Variants in FCGR3B observed in about 807,000 individuals in gnomAD.
FCGR3B encodes the protein Fc gamma receptor IIIb, also known as low affinity immunoglobulin gamma Fc region receptor III-B.
A neutral mutation model predicts 26.7 loss-of-function variants in FCGR3B; 20 were observed. That is an observed-to-expected ratio of 0.75 (90% confidence interval 0.53 to 1.09). The LOEUF (loss-of-function observed/expected upper bound fraction) is 1.09, where lower values mean the gene tolerates loss of function less well. Ranked by LOEUF, FCGR3B falls within the 50% of genes least tolerant of loss-of-function variation. FCGR3B has a pLI of 0.00. For missense variants in FCGR3B, 191 were observed against 279.7 expected (o/e 0.68, Z 2.26); for synonymous variants, 79 against 107.0 (o/e 0.74, Z 1.62).
Position 161,624,626 on chromosome 1 carries a change from T to C in FCGR3B, c.591A>G (p.Ser197=). ...CAGGTGGAGAGAATGATGAGATGGTTGACACTGCCAAACCTATTAGGAGAA... is the reference window on the plus strand; with the variant it reads ...CAGGTGGAGAGAATGATGAGATGGTCGACACTGCCAAACCTATTAGGAGAA... ...NITITQGLAV[S]TISSFSPPGY... Residue 197 remains serine (S), a synonymous_variant, in exon 5 of 5, where the codon TCA becomes TCG. Coordinates refer to ENST00000650385, the MANE Select transcript of FCGR3B (RefSeq NM_001244753.2). 1 of 1,605,374 alleles carries C rather than the reference T, an allele frequency of 6.2e-7. No homozygotes were observed. Among genetic ancestry groups the C allele is most frequent in the East Asian group, 2.2e-5 (1 of 44,718 alleles).
At chr1:161,624,990 T>C (rs2102585955) in intron 4 of FCGR3B, among the ~76,000 whole-genome samples, 1 of 138,064 alleles carries the variant, frequency 7.2e-6, no homozygotes, top group South Asian at 2.3e-4. Context: ...TGATTTTGCA[T>C]TTCAATTTTT....
At position 161,626,034 on chromosome 1, in the gene FCGR3B, T is replaced by A. The variant is rs553818370; in HGVS notation, c.577+111A>T. 1.1e-5 allele frequency: 15 copies of A among 1,305,352 alleles called. No individual in the cohort carries two copies. The Admixed American group carries it at 1.9e-4, about 16-fold the overall frequency. The allele number at this position is 1,305,352 out of a possible 1,614,324, so 80.9% of individuals were successfully genotyped here. A position where few individuals can be genotyped will look rare whatever the true frequency, so the allele number is the denominator to read the frequency against. On this transcript the variant is annotated intron_variant, in intron 4 of 4. Transcript: ENST00000650385. The stretch of plus-strand genomic sequence containing the variant: ...GTGATCACCAGGAGGGAACCACATA[T>A]GAAGAAGTGCGTGTAAGAATCAGGA...
chr1:161,623,780 G>A lies in FCGR3B; in HGVS notation c.*735C>T, dbSNP rs1266919479. The A allele has an allele frequency of 7.0e-6, 1 of 142,298 alleles. No individual in the cohort carries two copies. The highest frequency in any genetic ancestry group is 1.5e-5 in the Non-Finnish European group (1 of 65,936). 8.8% of individuals were successfully genotyped at this position (142,298 alleles called of 1,614,324 possible). On this transcript the variant is annotated 3_prime_UTR_variant, in exon 5 of 5. Coordinates refer to ENST00000650385, the MANE Select transcript of FCGR3B (RefSeq NM_001244753.2). ...CCATTTTCTACTCCTAGCATTAGAG[G>A]ACTCATCGTTATATACTTGGAAATG... is the stretch of plus-strand genomic sequence containing the variant.
rs548906336 is a variant in FCGR3B at position 161,627,409 on chromosome 1, T to C, written c.320-1007A>G. ...ACCCGAAACGTAATAAGAGCAAAAC[T>C]AAATTTACTGTAATTTTATTTTTTA... On this transcript the variant is annotated intron_variant, in intron 3 of 4. Transcript: ENST00000650385. Among the ~76,000 whole-genome samples the C allele has an allele frequency of 3.2e-4, 48 of 150,414 alleles. 1 individual carries two copies. In the Middle Eastern group the frequency reaches 0.01, roughly 32 times the overall value.
In FCGR3B at chr1:161,630,791, C is replaced by T. The variant is rs990815204; in HGVS notation, c.40+264G>A. 23 of 693,440 alleles carry T rather than the reference C, an allele frequency of 3.3e-5. 2 individuals are homozygous for T. Among genetic ancestry groups the T allele is most frequent in the Middle Eastern group, 8.7e-4 (2 of 2,300 alleles). The allele number at this position is 693,440 out of a possible 1,614,324, so 43.0% of individuals were successfully genotyped here. A position where few individuals can be genotyped will look rare whatever the true frequency, so the allele number is the denominator to read the frequency against. ...AGACAGACCCTAGGGACCATCTAGT[C>T]GAAGCTCTTTGGTTCCACATAGTGA... On this transcript the variant is annotated intron_variant, in intron 1 of 4. Transcript: ENST00000650385.
rs1289502382 is a variant in FCGR3B at position 161,627,458 on chromosome 1, A to C, written c.320-1056T>G. On this transcript the variant is annotated intron_variant, in intron 3 of 4. Transcript: ENST00000650385. ...TAAATCTACATTCTCAGGTTGAATT[A>C]CTATAATTTTAAAAATCTACTACCT... Among the ~76,000 whole-genome samples, 3 of 150,426 alleles carry C rather than the reference A, an allele frequency of 2.0e-5. 1 individual carries two copies. The highest frequency in any genetic ancestry group is 3.0e-5 in the Non-Finnish European group (2 of 67,782).
rs1279703795 is a variant in FCGR3B at position 161,623,495 on chromosome 1, C to G, written c.*1020G>C. The stretch of plus-strand genomic sequence containing the variant: ...TGCAATGAACAAAGCTATACAGGAA[C>G]TAGACATTGAAGCAGAAAAGGTGGT... On this transcript the variant is annotated 3_prime_UTR_variant, in exon 5 of 5. Coordinates refer to ENST00000650385, the MANE Select transcript of FCGR3B (RefSeq NM_001244753.2). 6.7e-6 allele frequency: 1 copy of G among 150,154 alleles called. No homozygotes were observed. The highest frequency in any genetic ancestry group is 6.7e-5 in the Admixed American group (1 of 14,982). The allele number at this position is 150,154 out of a possible 1,614,324, so 9.3% of individuals were successfully genotyped here. A position where few individuals can be genotyped will look rare whatever the true frequency, so the allele number is the denominator to read the frequency against.
Position 161,624,237 on chromosome 1 carries a change from T to A in FCGR3B, c.*278A>T. On this transcript the variant is annotated 3_prime_UTR_variant, in exon 5 of 5. Coordinates refer to ENST00000650385, the MANE Select transcript of FCGR3B (RefSeq NM_001244753.2). ...GCTCTGAAACTTCAATTTCTAGGAA[T>A]GCAGCTACTCACTGGGGCTTCCCTG... The A allele has an allele frequency of 1.0e-5, 4 of 396,984 alleles. No individual in the cohort carries two copies. The South Asian group carries it at 2.0e-4, about 20-fold the overall frequency. The allele number at this position is 396,984 out of a possible 1,614,324, so 24.6% of individuals were successfully genotyped here. A position where few individuals can be genotyped will look rare whatever the true frequency, so the allele number is the denominator to read the frequency against.
At chr1:161,626,092 G>A in intron 4 of FCGR3B, 53 bp downstream of exon 4, 2 of 1,584,278 alleles carry the variant, frequency 1.3e-6, no homozygotes, top group Non-Finnish European at 8.6e-7. Flanking sequence ...CAGTGTGAGT[G>A]CAGGTTCCAC....
upstream of FCGR3B, among the ~76,000 whole-genome samples, chr1:161,631,636 G>A (rs1193618674): frequency 6.0e-5 from 8 of 132,934 alleles, 1 homozygote; most frequent in South Asian, 2.1e-3. Flanking sequence ...ACCACTAGCA[G>A]TGTCTCTGCC....
At chr1:161,631,678 A>G (rs1367714965), upstream of FCGR3B, among the ~76,000 whole-genome samples, 1 of 127,830 alleles carries the variant, frequency 7.8e-6, no homozygotes, top group African/African-American at 2.9e-5. Context: ...ATTTCTTTCA[A>G]AATTCAAAAT....
In FCGR3B at chr1:161,631,045, C is replaced by G. The variant is rs1397364925; in HGVS notation, c.40+10G>C. 6.2e-7 allele frequency: 1 copy of G among 1,604,242 alleles called. No homozygotes were observed. Among genetic ancestry groups the G allele is most frequent in the Non-Finnish European group, 8.5e-7 (1 of 1,176,474 alleles). ...AAACTTCTCCCTCAACCAGGGAGAT[C>G]CTGACTTACCTAGAAGTAGCAGAGC... On this transcript the variant is annotated intron_variant, in intron 1 of 4. Transcript: ENST00000650385.
Position 161,626,034 on chromosome 1 carries a change from TGAA to T in FCGR3B, c.577+108_577+110del, listed in dbSNP as rs1557881393. On this transcript the variant is annotated intron_variant, in intron 4 of 4. Transcript: ENST00000650385. ...GTGATCACCAGGAGGGAACCACATATGAAGAAGTGCGTGTAAGAATCAGGAATC... is the reference window on the plus strand; with the variant it reads ...GTGATCACCAGGAGGGAACCACATATGAAGTGCGTGTAAGAATCAGGAATC... 1.5e-6 allele frequency: 2 copies of T among 1,305,240 alleles called. 1 individual carries two copies. Among genetic ancestry groups the T allele is most frequent in the Non-Finnish European group, 2.1e-6 (2 of 943,674 alleles). 80.9% of individuals were successfully genotyped at this position (1,305,240 alleles called of 1,614,324 possible).
rs1459575902 is a variant in FCGR3B at position 161,624,437 on chromosome 1, C to T, written c.*78G>A. On this transcript the variant is annotated 3_prime_UTR_variant, in exon 5 of 5. Transcript: ENST00000650385. ...TGCTGCTGCCACTGCTCTTATTACC[C>T]CCATGGGATGGGGGTCATGTGTCTT... The T allele has an allele frequency of 3.2e-5, 48 of 1,509,890 alleles. No individual in the cohort carries two copies. The highest frequency in any genetic ancestry group is 5.5e-5 in the Admixed American group (3 of 55,018). The allele number at this position is 1,509,890 out of a possible 1,614,324, so 93.5% of individuals were successfully genotyped here.
intron 1 of FCGR3B, 59 bp from the exon 2 acceptor site, chr1:161,630,447 A>T: frequency 6.5e-7 from 1 of 1,535,594 alleles, no homozygotes; most frequent in Non-Finnish European, 8.9e-7. Context: ...AGTGATTAGA[A>T]CATAGAGTGA....
At chr1:161,630,469 C>T in intron 1 of FCGR3B, 81 bp from the exon 2 acceptor site, 4 of 1,256,816 alleles carry the variant, frequency 3.2e-6, no homozygotes, top group Middle Eastern at 1.9e-4. Flanking sequence ...TTTAAAACTC[C>T]CCTGCCCTCC....
Position 161,626,038 on chromosome 1 carries a change from G to A in FCGR3B, c.577+107C>T. On this transcript the variant is annotated intron_variant, in intron 4 of 4. Transcript: ENST00000650385. ...TCACCAGGAGGGAACCACATATGAA[G>A]AAGTGCGTGTAAGAATCAGGAATCT... The A allele has an allele frequency of 3.0e-6, 4 of 1,335,106 alleles. No individual in the cohort carries two copies. The South Asian group carries it at 4.2e-5, about 14-fold the overall frequency. 82.7% of individuals were successfully genotyped at this position (1,335,106 alleles called of 1,614,324 possible).
upstream of FCGR3B, chr1:161,631,291 A>C (rs148471752): frequency 7.0e-3 from 9,618 of 1,375,384 alleles, 266 homozygotes; most frequent in Non-Finnish European, 8.1e-3. Flanking sequence ...TAGAACAGGA[A>C]TAGGAAGGAA....
At chr1:161,627,199 A>T (rs1679510673) in intron 3 of FCGR3B, among the ~76,000 whole-genome samples, 1 of 150,114 alleles carries the variant, frequency 6.7e-6, no homozygotes, top group Admixed American at 6.7e-5. Context: ...TTATAATGGC[A>T]TAAGAAAATA....
Sources: allele counts gnomAD v4.1 joint callset (sites outside exome capture counted in the v4.1 genomes callset), GRCh38; gene constraint gnomAD v4.1.1; transcripts MANE v1.5; gene names NCBI Gene and HGNC (gene_info 2026-07-23, HGNC 2026-07-21).